The following TIMP3 variants were observed in gnomAD, a reference collection of about 807,000 sequenced individuals.
TIMP3 encodes the protein metalloproteinase inhibitor 3.
Under a neutral mutation model 30.0 loss-of-function variants are expected in TIMP3, and 11 were observed. That is an observed-to-expected ratio of 0.37 (90% CI 0.23 to 0.61). TIMP3 has a LOEUF of 0.61. Among genes scored for constraint, TIMP3 ranks in the 20% least tolerant of loss-of-function variants. TIMP3 has a pLI of 0.70. For synonymous variants in TIMP3, 112 were observed against 111.3 expected, an observed-to-expected ratio of 1.01 and a Z score of -0.04; for missense variants, 181 against 276.8, an observed-to-expected ratio of 0.65 and a Z score of 2.45.
chr22:32,804,173 C>T (rs1240207783), intron 1 of TIMP3, among the ~76,000 whole-genome samples: 1 of 152,192 alleles, frequency 6.6e-6, no homozygotes, highest in East Asian at 1.9e-4. Context: ...AAAAAATCTT[C>T]GATGCTCTGG....
intron 1 of TIMP3, among the ~76,000 whole-genome samples, chr22:32,806,557 A>G (rs558033887): frequency 7.9e-5 from 12 of 152,266 alleles, no homozygotes; most frequent in African/African-American, 2.9e-4. Context: ...GGGAGGGCAG[A>G]TCTGAGCTCC....
chr22:32,817,224 A>C (rs571435358), intron 1 of TIMP3, among the ~76,000 whole-genome samples: 8 of 152,228 alleles, frequency 5.3e-5, no homozygotes, highest in South Asian at 2.1e-4. Context: ...TCTCAAAAAA[A>C]AAAAAATGTT....
chr22:32,836,954 A>C (rs2099852774), intron 1 of TIMP3, among the ~76,000 whole-genome samples: 1 of 152,228 alleles, frequency 6.6e-6, no homozygotes, highest in South Asian at 2.1e-4. Context: ...TTCTGGGAAC[A>C]GATTTGCTGT....
intron 1 of TIMP3, among the ~76,000 whole-genome samples, chr22:32,832,490 C>T (rs559213688): frequency 1.7e-4 from 25 of 150,356 alleles, no homozygotes; most frequent in African/African-American, 4.9e-4. Context: ...CTTCCAATTC[C>T]TGGCCCAGGG....
intron 1 of TIMP3, among the ~76,000 whole-genome samples, chr22:32,804,413 T>C (rs5749512): frequency 0.15 from 22,617 of 152,178 alleles, 2,040 homozygotes; most frequent in African/African-American, 0.26. Flanking sequence ...CAAACAAATA[T>C]GAAGGAGCTC....
In TIMP3 at chr22:32,861,227, A is replaced by C. The variant is rs1471291108; in HGVS notation, c.*1850A>C. The C allele has an allele frequency of 6.6e-6, 1 of 152,130 alleles. No homozygotes were observed. The highest frequency in any genetic ancestry group is 2.4e-5 in the African/African-American group (1 of 41,334). The allele number at this position is 152,130 out of a possible 1,614,324, so 9.4% of individuals were successfully genotyped here. A position where few individuals can be genotyped will look rare whatever the true frequency, so the allele number is the denominator to read the frequency against. The stretch of plus-strand genomic sequence containing the variant: ...ACACTGTAGAGTCTTGCACACACAC[A>C]AGTGCCCAGGCAAGGTGCTTGGCAG... On this transcript the variant is annotated 3_prime_UTR_variant, in exon 5 of 5. Coordinates refer to ENST00000266085, the MANE Select transcript of TIMP3 (RefSeq NM_000362.5).
chr22:32,843,647 C>A (rs919200268), intron 1 of TIMP3, among the ~76,000 whole-genome samples: 1 of 152,152 alleles, frequency 6.6e-6, no homozygotes, highest in African/African-American at 2.4e-5. Context: ...GGTAGGGCAT[C>A]ATTCCAACAC....
intron 1 of TIMP3, among the ~76,000 whole-genome samples, chr22:32,802,521 A>G (rs1176351143): frequency 2.6e-5 from 4 of 152,072 alleles, no homozygotes; most frequent in Non-Finnish European, 5.9e-5. Flanking sequence ...TAAAAAAAAA[A>G]AAAAAAGTTG....
In TIMP3 at chr22:32,807,414, AC is replaced by A. The variant is rs1242300363; in HGVS notation, c.121+5293del. On this transcript the variant is annotated intron_variant, in intron 1 of 4. Transcript: ENST00000266085. ...TATATAATATATATATATTATATTT[AC>A]ATATATATTATATATATAATATATA... 1.4e-3 allele frequency among the ~76,000 whole-genome samples: 164 copies of A among 115,468 alleles called. 3 individuals carry two copies. In the East Asian group the frequency reaches 0.023, roughly 16 times the overall value. The allele number at this position is 115,468 out of a possible 152,430, so 75.8% of individuals were successfully genotyped here.
chr22:32,851,495 C>A (rs1421506728), intron 2 of TIMP3, among the ~76,000 whole-genome samples: 1 of 152,154 alleles, frequency 6.6e-6, no homozygotes, highest in African/African-American at 2.4e-5. Context: ...CACTCCCAGG[C>A]TGGTGGGCTT....
At chr22:32,823,955 A>C (rs547716205) in intron 1 of TIMP3, among the ~76,000 whole-genome samples, 1 of 152,238 alleles carries the variant, frequency 6.6e-6, no homozygotes, top group South Asian at 2.1e-4. Context: ...GTCAGCACAT[A>C]GAAAGTCAAA....
At chr22:32,829,679 C>T (rs931858970) in intron 1 of TIMP3, among the ~76,000 whole-genome samples, 1 of 152,178 alleles carries the variant, frequency 6.6e-6, no homozygotes, top group Admixed American at 6.5e-5. Context: ...AGGACAATGC[C>T]GGTCCCCGGG....
chr22:32,812,494 C>T (rs1024372943), intron 1 of TIMP3, among the ~76,000 whole-genome samples: 1 of 152,178 alleles, frequency 6.6e-6, no homozygotes, highest in Admixed American at 6.5e-5. Flanking sequence ...GGGCCTGTCA[C>T]TGATTGTGGG....
chr22:32,844,689 C>G (rs1201023663), intron 1 of TIMP3, among the ~76,000 whole-genome samples: 1 of 151,728 alleles, frequency 6.6e-6, no homozygotes. Flanking sequence ...CTTAATCAAT[C>G]TCTTCCTTGT....
At chr22:32,850,181 G>A (rs1305918376) in intron 2 of TIMP3, among the ~76,000 whole-genome samples, 1 of 151,258 alleles carries the variant, frequency 6.6e-6, no homozygotes, top group Non-Finnish European at 1.5e-5. Flanking sequence ...TGAAGTACAG[G>A]AAGGAGGTAT....
chr22:32,815,056 T>C (rs2146022137), intron 1 of TIMP3, among the ~76,000 whole-genome samples: 1 of 152,368 alleles, frequency 6.6e-6, no homozygotes, highest in Middle Eastern at 3.4e-3. Context: ...ATATCTCAGT[T>C]TGGACTAGTT....
chr22:32,854,412 C>T (rs1032897676), intron 2 of TIMP3, among the ~76,000 whole-genome samples: 2 of 152,176 alleles, frequency 1.3e-5, no homozygotes, highest in Non-Finnish European at 2.9e-5. Context: ...TTCATTCTCT[C>T]ACCCACGAAG....
chr22:32,857,463 T>G (rs1310894800), intron 3 of TIMP3, 103 bp downstream of exon 3: 15 of 888,348 alleles, frequency 1.7e-5, no homozygotes, highest in Non-Finnish European at 1.1e-5. Flanking sequence ...AAATGTCCAG[T>G]AAATTGTAAG....
In TIMP3 at chr22:32,861,423, A is replaced by G. The variant is rs2048535137; in HGVS notation, c.*2046A>G. The G allele has an allele frequency of 6.6e-6, 1 of 152,222 alleles. No homozygotes were observed. The highest frequency in any genetic ancestry group is 2.1e-4 in the South Asian group (1 of 4,826). 9.4% of individuals were successfully genotyped at this position (152,222 alleles called of 1,614,324 possible). ...TGATGCCAGCATGTCACTGGTTTTG[A>G]AGGGATGAGCCCAGACTTGATGTTT... On this transcript the variant is annotated 3_prime_UTR_variant, in exon 5 of 5. Transcript: ENST00000266085.
Sources: allele counts gnomAD v4.1 joint callset (sites outside exome capture counted in the v4.1 genomes callset), GRCh38; gene constraint gnomAD v4.1.1; transcripts MANE v1.5; gene names NCBI Gene and HGNC (gene_info 2026-07-23, HGNC 2026-07-21).